PCYT1B: variants seen among roughly 807,000 people sequenced by gnomAD.
PCYT1B encodes the protein choline-phosphate cytidylyltransferase B.
PCYT1B carries 10 observed loss-of-function variants against 26.4 expected under a neutral mutation model. The ratio of observed to expected loss-of-function variants is 0.38; its 90% CI spans 0.23 to 0.64. The LOEUF (loss-of-function observed/expected upper bound fraction) is 0.64, where lower values mean the gene tolerates loss of function less well. PCYT1B is among the 30% of genes least tolerant of loss of function. The pLI, the probability that PCYT1B is intolerant of heterozygous loss-of-function variation, is 0.56. For synonymous variants in PCYT1B, 131 were observed against 108.4 expected, an observed-to-expected ratio of 1.21 and a Z score of -1.29; for missense variants, 161 against 292.7, an observed-to-expected ratio of 0.55 and a Z score of 3.28.
intron 2 of PCYT1B, among the ~76,000 whole-genome samples, chrX:24,608,843 C>T (rs991577210): frequency 4.5e-5 from 5 of 112,006 alleles, no homozygotes; most frequent in South Asian, 7.5e-4. Flanking sequence ...TTCTTTTTAA[C>T]TGGTTGGAGG....
chrX:24,666,639 G>C (rs920570567), intron 1 of PCYT1B, among the ~76,000 whole-genome samples: 7 of 108,790 alleles, frequency 6.4e-5, no homozygotes, highest in Non-Finnish European at 1.3e-4. Context: ...GTGTGTGTGA[G>C]AGCGAGAGAG....
intron 1 of PCYT1B, among the ~76,000 whole-genome samples, chrX:24,659,265 C>A (rs1446803649): frequency 8.9e-6 from 1 of 112,125 alleles, no homozygotes; most frequent in Admixed American, 9.5e-5. Context: ...TTTATTAAGG[C>A]CCTATAAATA....
intron 1 of PCYT1B, among the ~76,000 whole-genome samples, chrX:24,656,180 G>A: frequency 1.5e-5 from 1 of 65,762 alleles, no homozygotes; most frequent in Non-Finnish European, 2.8e-5. Context: ...AAATAATGGT[G>A]AGACATGAAA....
intron 2 of PCYT1B, among the ~76,000 whole-genome samples, chrX:24,618,323 T>A (rs1216674200): frequency 8.9e-6 from 1 of 112,372 alleles, no homozygotes; most frequent in Non-Finnish European, 1.9e-5. Context: ...AATGCTTTGG[T>A]ACTTTTGATG....
chrX:24,667,016 T>C (rs1927141387), intron 1 of PCYT1B, among the ~76,000 whole-genome samples: 1 of 109,004 alleles, frequency 9.2e-6, no homozygotes, highest in African/African-American at 3.3e-5. Flanking sequence ...AAAGAGGAGT[T>C]AGGGAAGGCA....
At chrX:24,585,669 G>T (rs1924348317) in intron 5 of PCYT1B, among the ~76,000 whole-genome samples, 1 of 111,394 alleles carries the variant, frequency 9.0e-6, no homozygotes, top group Non-Finnish European at 1.9e-5. Context: ...CCCATGCCAG[G>T]CCAGAGTGCT....
rs73469839 is a variant in PCYT1B, at chrX:24,660,740, C to T, written c.63+11830G>A. On this transcript the variant is annotated intron_variant, in intron 1 of 7. Transcript: ENST00000379145. ...AAGGGTGCCTGAGAGTAGCTATATG[C>T]GGTCAATGATCTTTCACAGAAGCCC... 6.3e-3 allele frequency among the ~76,000 whole-genome samples: 689 copies of T among 108,591 alleles called. 5 individuals carry two copies. The highest frequency in any genetic ancestry group is 0.022 in the African/African-American group (642 of 29,824). 94.3% of individuals were successfully genotyped at this position (108,591 alleles called of 115,157 possible).
intron 3 of PCYT1B, among the ~76,000 whole-genome samples, chrX:24,591,002 C>T (rs2148234518): frequency 9.1e-6 from 1 of 109,501 alleles, no homozygotes; most frequent in Non-Finnish European, 1.9e-5. Context: ...ACTGTGTTAA[C>T]CAGTATGGTC....
chrX:24,559,893 G>A lies in PCYT1B; in HGVS notation c.*2400C>T. The A allele has an allele frequency of 8.9e-6, 1 of 111,733 alleles. No homozygotes were observed. Among genetic ancestry groups the A allele is most frequent in the Non-Finnish European group, 1.9e-5 (1 of 53,170 alleles). The allele number at this position is 111,733 out of a possible 1,213,427, so 9.2% of individuals were successfully genotyped here. Reference sequence around the variant, plus strand: ...TCTCAGTAGATTTGCAGCCTCAAGAGGGTGGAACGGGGGGACTCACTGCAG... The same window carrying A: ...TCTCAGTAGATTTGCAGCCTCAAGAAGGTGGAACGGGGGGACTCACTGCAG... On this transcript the variant is annotated 3_prime_UTR_variant, in exon 8 of 8. Coordinates refer to ENST00000379144, the MANE Select transcript of PCYT1B (RefSeq NM_004845.5).
rs1039023514 is a variant in PCYT1B at position 24,665,570 on chromosome X, C to T, written c.63+7000G>A. Among the ~76,000 whole-genome samples, 9 of 111,408 alleles carry T rather than the reference C, an allele frequency of 8.1e-5. No homozygotes were observed. In the South Asian group the frequency reaches 1.1e-3, roughly 14 times the overall value. On this transcript the variant is annotated intron_variant, in intron 1 of 7. Transcript: ENST00000379145. ...CCTCCCAAACTGCTGGGATTACAGT[C>T]GTGAGCCACCGCGCCTGGCCCCATT...
intron 1 of PCYT1B, among the ~76,000 whole-genome samples, chrX:24,660,708 A>G (rs755819699): frequency 9.1e-5 from 10 of 110,360 alleles, no homozygotes; most frequent in African/African-American, 3.3e-4. Flanking sequence ...AGGAAAAAAA[A>G]GACACTAAGG....
intron 2 of PCYT1B, among the ~76,000 whole-genome samples, chrX:24,608,840 T>C (rs937457499): frequency 3.6e-5 from 4 of 112,068 alleles, no homozygotes; most frequent in African/African-American, 1.3e-4. Context: ...TTATTCTTTT[T>C]AACTGGTTGG....
At chrX:24,625,760 T>TA (rs1402908645) in intron 1 of PCYT1B, among the ~76,000 whole-genome samples, 1 of 96,957 alleles carries the variant, frequency 1.0e-5, no homozygotes, top group East Asian at 3.2e-4. Context: ...TCATTTATAG[T>TA]AAAAAGAGAG....
At position 24,558,435 on chromosome X, in the gene PCYT1B, CA is replaced by C. The variant is rs1382772212; in HGVS notation, c.*3857del. ...ATTTCTTTTTTAAAAATCTGATGGC[CA>C]AGACTAGTGCTGAACGGATGCCTAA... On this transcript the variant is annotated 3_prime_UTR_variant, in exon 8 of 8. Coordinates refer to ENST00000379144, the MANE Select transcript of PCYT1B (RefSeq NM_004845.5). 1 of 110,386 alleles carries C rather than the reference CA, an allele frequency of 9.1e-6. No homozygotes were observed. The highest frequency in any genetic ancestry group is 1.9e-5 in the Non-Finnish European group (1 of 52,868). 9.1% of individuals were successfully genotyped at this position (110,386 alleles called of 1,213,427 possible).
intron 2 of PCYT1B, among the ~76,000 whole-genome samples, chrX:24,618,551 C>T (rs920425665): frequency 9.1e-6 from 1 of 110,372 alleles, no homozygotes; most frequent in African/African-American, 3.3e-5. Context: ...CCTTGCACTG[C>T]GTTATAATCT....
chrX:24,635,365 A>G (rs1476967692), intron 1 of PCYT1B, among the ~76,000 whole-genome samples: 1 of 112,514 alleles, frequency 8.9e-6, no homozygotes, highest in African/African-American at 3.2e-5. Flanking sequence ...CATATAGAAA[A>G]CATTGTTGAA....
chrX:24,652,087 G>A (rs1418807763), upstream of PCYT1B, among the ~76,000 whole-genome samples: 2 of 112,105 alleles, frequency 1.8e-5, no homozygotes, highest in Non-Finnish European at 3.8e-5. Context: ...TTTAGGAACA[G>A]GGCTTCTGAG....
chrX:24,562,790 T>C (rs1324307609), intron 7 of PCYT1B, among the ~76,000 whole-genome samples: 1 of 107,662 alleles, frequency 9.3e-6, no homozygotes, highest in Non-Finnish European at 1.9e-5. Context: ...TGCAGTGGCA[T>C]GATCTTGGCT....
intron 1 of PCYT1B, among the ~76,000 whole-genome samples, chrX:24,637,667 A>G (rs1926336627): frequency 9.6e-6 from 1 of 104,147 alleles, no homozygotes; most frequent in Non-Finnish European, 1.9e-5. Context: ...CATCTCAAAA[A>G]TATACATATG....
Sources: gnomAD v4.1 joint callset for allele counts (sites outside exome capture counted in the v4.1 genomes callset) on GRCh38, gnomAD v4.1.1 for gene constraint, MANE v1.5 for transcripts, NCBI Gene and HGNC (gene_info 2026-07-23, HGNC 2026-07-21) for gene names.